The following APMAP variants were observed in gnomAD, a reference collection of about 807,000 sequenced individuals.
The protein encoded by APMAP is adipocyte plasma membrane-associated protein.
APMAP carries 33 observed loss-of-function variants against 43.6 expected under a neutral mutation model. The ratio of observed to expected loss-of-function variants is 0.76; its 90% confidence interval spans 0.57 to 1.01. The LOEUF (loss-of-function observed/expected upper bound fraction) is 1.01. Ranked by LOEUF, APMAP falls within the 50% of genes least tolerant of loss-of-function variation. The pLI, the probability that APMAP is intolerant of heterozygous loss-of-function variation, is 0.00. For synonymous variants in APMAP, 224 were observed against 216.7 expected, an observed-to-expected ratio of 1.03 and a Z score of -0.30; for missense variants, 498 against 540.7, an observed-to-expected ratio of 0.92 and a Z score of 0.78.
At chr20:24,989,469 G>A (rs1296475510) in intron 1 of APMAP, among the ~76,000 whole-genome samples, 2 of 152,116 alleles carry the variant, frequency 1.3e-5, no homozygotes, top group Non-Finnish European at 2.9e-5. Context: ...CTGCACACAG[G>A]ACATTAGGGC....
intron 5 of APMAP, among the ~76,000 whole-genome samples, chr20:24,971,102 A>C (rs1410287538): frequency 6.6e-6 from 1 of 152,224 alleles, no homozygotes; most frequent in African/African-American, 2.4e-5. Context: ...GACAAAGGGG[A>C]GGGCCACAGA....
rs747032848 is a variant in APMAP, at chr20:24,992,580, G to C, written c.95+14C>G. ...CGGCCCGGCTCCAGCGCCCAGTCTG[G>C]GAGTCCGCCCTACCTGCCGTCCTTA... On this transcript the variant is annotated intron_variant, in intron 1 of 8. Coordinates refer to ENST00000217456, the MANE Select transcript of APMAP (RefSeq NM_020531.3). 11 of 1,522,746 alleles carry C rather than the reference G, an allele frequency of 7.2e-6. No individual in the cohort carries two copies. Among genetic ancestry groups the C allele is most frequent in the East Asian group, 5.2e-5 (2 of 38,552 alleles). The allele number at this position is 1,522,746 out of a possible 1,614,324, so 94.3% of individuals were successfully genotyped here. A position where few individuals can be genotyped will look rare whatever the true frequency, so the allele number is the denominator to read the frequency against.
At chr20:24,965,459 G>A (rs953906192) in intron 8 of APMAP, among the ~76,000 whole-genome samples, 1 of 152,270 alleles carries the variant, frequency 6.6e-6, no homozygotes, top group Non-Finnish European at 1.5e-5. Flanking sequence ...GGGTACATGT[G>A]TGCAGGGGAT....
intron 6 of APMAP, among the ~76,000 whole-genome samples, 173 bp from the exon 7 acceptor site, chr20:24,969,833 A>G (rs1260742873): frequency 6.6e-6 from 1 of 152,212 alleles, no homozygotes; most frequent in Non-Finnish European, 1.5e-5. Context: ...CCCCATCCAC[A>G]GCAGATCCAG....
Position 24,963,548 on chromosome 20 carries a change from G to A in APMAP, c.*265C>T. The A allele has an allele frequency of 2.0e-6, 1 of 490,112 alleles. No homozygotes were observed. The highest frequency in any genetic ancestry group is 3.7e-5 in the East Asian group (1 of 27,308). The allele number at this position is 490,112 out of a possible 1,614,324, so 30.4% of individuals were successfully genotyped here. A position where few individuals can be genotyped will look rare whatever the true frequency, so the allele number is the denominator to read the frequency against. On this transcript the variant is annotated 3_prime_UTR_variant, in exon 9 of 9. Coordinates refer to ENST00000217456, the MANE Select transcript of APMAP (RefSeq NM_020531.3). ...AGAATGACTGTACTTAGAAAGTTTT[G>A]TTTTGTTTAAGAGAAAATGGCTTTA...
chr20:24,971,675 T>C (rs979281582), intron 4 of APMAP, 99 bp from the exon 5 acceptor site: 3 of 993,124 alleles, frequency 3.0e-6, no homozygotes, highest in Admixed American at 3.5e-5. Flanking sequence ...CCATACATCA[T>C]GCTGTACAGA....
In APMAP at chr20:24,963,633, C is replaced by T. The variant is rs570508774; in HGVS notation, c.*180G>A. 1.6e-6 allele frequency: 1 copy of T among 642,550 alleles called. No homozygotes were observed. Among genetic ancestry groups the T allele is most frequent in the East Asian group, 2.7e-5 (1 of 36,478 alleles). The allele number at this position is 642,550 out of a possible 1,614,324, so 39.8% of individuals were successfully genotyped here. ...ACTTCCCTCTAAACAGAAAGACAAGCCCAGGTGGGGCCCGGGCATCCTCGA... is the reference window on the plus strand; with the variant it reads ...ACTTCCCTCTAAACAGAAAGACAAGTCCAGGTGGGGCCCGGGCATCCTCGA... On this transcript the variant is annotated 3_prime_UTR_variant, in exon 9 of 9. Transcript: ENST00000217456.
At chr20:24,982,972 C>T (rs1390501560) in intron 2 of APMAP, among the ~76,000 whole-genome samples, 1 of 152,150 alleles carries the variant, frequency 6.6e-6, no homozygotes, top group Non-Finnish European at 1.5e-5. Flanking sequence ...GGACTAGAGT[C>T]CCCAGTCCTT....
intron 1 of APMAP, among the ~76,000 whole-genome samples, chr20:24,988,767 G>A (rs2088168350): frequency 6.6e-6 from 1 of 152,178 alleles, no homozygotes; most frequent in South Asian, 2.1e-4. Context: ...AACCTCACCT[G>A]ATCAGCATCC....
At chr20:24,978,657 C>T in intron 3 of APMAP, 110 bp downstream of exon 3, 1 of 835,342 alleles carries the variant, frequency 1.2e-6, no homozygotes, top group South Asian at 1.6e-5. Flanking sequence ...GAAGGATGTG[C>T]AGGGCCCCAG....
At chr20:24,980,496 G>A (rs942003861) in intron 2 of APMAP, among the ~76,000 whole-genome samples, 2 of 144,832 alleles carry the variant, frequency 1.4e-5, no homozygotes, top group East Asian at 2.1e-4. Flanking sequence ...GCTCGGCCTC[G>A]GTCACCTCTA....
intron 4 of APMAP, among the ~76,000 whole-genome samples, chr20:24,972,269 A>T (rs1241053386): frequency 2.0e-5 from 3 of 147,594 alleles, no homozygotes; most frequent in African/African-American, 5.1e-5. Context: ...TGCTTATTGC[A>T]GGGTGTTATT....
Position 24,987,589 on chromosome 20 carries a change from T to C in APMAP, c.96-3570A>G, listed in dbSNP as rs187625755. 7.9e-5 allele frequency among the ~76,000 whole-genome samples: 12 copies of C among 152,256 alleles called. No individual in the cohort carries two copies. The East Asian group carries it at 1.7e-3, about 22-fold the overall frequency. On this transcript the variant is annotated intron_variant, in intron 1 of 8. Coordinates refer to ENST00000217456, the MANE Select transcript of APMAP (RefSeq NM_020531.3). ...GTGAATACACTAAATATCACTGAAC[T>C]GTGCACTTTAAAGTGGTTAATTGTA...
intron 1 of APMAP, among the ~76,000 whole-genome samples, chr20:24,989,078 G>A (rs1030103578): frequency 6.6e-6 from 1 of 151,870 alleles, no homozygotes; most frequent in African/African-American, 2.4e-5. Flanking sequence ...CAATTCTTCT[G>A]TCTTTTCTCG....
chr20:24,991,517 G>C (rs1344057903), intron 1 of APMAP, among the ~76,000 whole-genome samples: 1 of 152,148 alleles, frequency 6.6e-6, no homozygotes. Flanking sequence ...TGCCTCTCTA[G>C]AGCCTAAATG....
chr20:24,970,095 T>C, intron 6 of APMAP, 102 bp downstream of exon 6: 2 of 1,402,258 alleles, frequency 1.4e-6, no homozygotes, highest in Admixed American at 2.0e-5. Flanking sequence ...TGAAATATGA[T>C]GCTGGAAATA....
intron 2 of APMAP, among the ~76,000 whole-genome samples, chr20:24,980,086 A>T (rs559632836): frequency 1.3e-5 from 2 of 152,282 alleles, no homozygotes; most frequent in East Asian, 3.9e-4. Context: ...GTTTGTCCCC[A>T]CTAGAACATA....
chr20:24,978,938 G>A, intron 2 of APMAP, 56 bp from the exon 3 acceptor site: 1 of 1,400,202 alleles, frequency 7.1e-7, no homozygotes, highest in Non-Finnish European at 1.0e-6. Flanking sequence ...TGAAGAAAAT[G>A]TGTACCGAGC....
intron 1 of APMAP, among the ~76,000 whole-genome samples, chr20:24,992,082 T>C (rs1225999558): frequency 6.6e-6 from 1 of 152,138 alleles, no homozygotes; most frequent in East Asian, 1.9e-4. Flanking sequence ...GAAGAGCAAG[T>C]GTAGAAGCCA....
Sources: gnomAD v4.1 joint callset for allele counts (sites outside exome capture counted in the v4.1 genomes callset) on GRCh38, gnomAD v4.1.1 for gene constraint, MANE v1.5 for transcripts, NCBI Gene and HGNC (gene_info 2026-07-23, HGNC 2026-07-21) for gene names.